VPS53: variants seen among roughly 807,000 people sequenced by gnomAD.
The protein encoded by VPS53 is VPS53 subunit of GARP complex.
In VPS53, 70 loss-of-function variants were observed where a neutral mutation model predicts 107.0. The observed-to-expected ratio is 0.65, with a 90% CI of 0.54 to 0.80. The LOEUF is 0.80. Ranked by LOEUF, VPS53 falls within the 30% of genes least tolerant of loss-of-function variation. The pLI, the probability that VPS53 is intolerant of heterozygous loss-of-function variation, is 0.00. For missense variants in VPS53, 917 were observed against 1,049.4 expected, an observed-to-expected ratio of 0.87 and a Z score of 1.74; for synonymous variants, 409 against 393.3, an observed-to-expected ratio of 1.04 and a Z score of -0.47.
chr17:622,155 T>G (rs936776682), intron 11 of VPS53, among the ~76,000 whole-genome samples: 3 of 152,032 alleles, frequency 2.0e-5, no homozygotes, highest in African/African-American at 7.2e-5. Flanking sequence ...GAGGTTGCAG[T>G]GGGCCGATAT....
intron 5 of VPS53, among the ~76,000 whole-genome samples, chr17:660,600 G>A (rs1227908676): frequency 2.6e-5 from 4 of 152,070 alleles, no homozygotes; most frequent in Non-Finnish European, 5.9e-5. Context: ...TTCACGCTTT[G>A]AGGGCCCCTG....
intron 5 of VPS53, chr17:657,024 G>T: frequency 2.3e-6 from 2 of 858,986 alleles, no homozygotes; most frequent in Non-Finnish European, 4.0e-6. Context: ...CTTCCCAGGT[G>T]AGCACCTCCA....
chr17:597,969 T>TCTCCCCACGGTCTCCCC (rs1968063277), intron 12 of VPS53, among the ~76,000 whole-genome samples: 1 of 150,856 alleles, frequency 6.6e-6, no homozygotes, highest in African/African-American at 2.4e-5. Context: ...TCCCTCTCCC[T>TCTCCCCACGGTCTCCCC]CTCCCCACGG....
At chr17:684,196 AT>A (rs1308414888) in intron 4 of VPS53, among the ~76,000 whole-genome samples, 1 of 152,240 alleles carries the variant, frequency 6.6e-6, no homozygotes, top group African/African-American at 2.4e-5. Context: ...AAAGCAAACT[AT>A]TCACTTTCAC....
chr17:556,397 T>C (rs568402485), intron 15 of VPS53, among the ~76,000 whole-genome samples: 9 of 152,362 alleles, frequency 5.9e-5, no homozygotes, highest in Admixed American at 2.6e-4. Flanking sequence ...GTTAATAATA[T>C]GGGAAACTGG....
chr17:665,937 G>A (rs1312536170), intron 4 of VPS53, among the ~76,000 whole-genome samples: 2 of 152,150 alleles, frequency 1.3e-5, no homozygotes, highest in Non-Finnish European at 2.9e-5. Flanking sequence ...CCAGGAGGCG[G>A]AGGTTGCAGT....
At chr17:675,685 A>G (rs947207711) in intron 4 of VPS53, 5 of 151,538 alleles carry the variant, frequency 3.3e-5, no homozygotes, top group Non-Finnish European at 7.4e-5. Context: ...GAGGCAGGAG[A>G]ATCACTTGAA....
At position 562,764 on chromosome 17, in the gene VPS53, A is replaced by G; in HGVS notation, c.1314-19T>C. 6.3e-7 allele frequency: 1 copy of G among 1,585,022 alleles called. No homozygotes were observed. Among genetic ancestry groups the G allele is most frequent in the Non-Finnish European group, 8.6e-7 (1 of 1,166,752 alleles). ...GAGGTTCCTAGGAGGAAAAAAAAAA[A>G]CCAAAAATGTTATTTTACTTCAAGA... On this transcript the variant is annotated intron_variant, in intron 13 of 21. Transcript: ENST00000437048.
chr17:524,081 C>A lies in VPS53; in HGVS notation c.2086-2343G>T, dbSNP rs1908946851. On this transcript the variant is annotated intron_variant, in intron 19 of 21. Coordinates refer to ENST00000437048, the MANE Select transcript of VPS53 (RefSeq NM_001128159.3). The surrounding 1 kb of genome is among the most constrained non-coding windows in gnomAD (Gnocchi z 4.5). ...TGGGAGGCCGAGGCGGGTGGATCAT[C>A]TGAGGTCAGGAGTTCGAGACCAGCC... Among the ~76,000 whole-genome samples the A allele has an allele frequency of 6.6e-6, 1 of 152,024 alleles. No homozygotes were observed. The highest frequency in any genetic ancestry group is 2.4e-5 in the African/African-American group (1 of 41,392).
intron 17 of VPS53, among the ~76,000 whole-genome samples, chr17:543,213 T>C (rs1910841603): frequency 6.6e-6 from 1 of 152,140 alleles, no homozygotes. Flanking sequence ...ACTTGAGGAT[T>C]TCTTAGCTGT....
chr17:623,727 T>G, intron 10 of VPS53, 53 bp from the exon 11 acceptor site: 1 of 1,555,610 alleles, frequency 6.4e-7, no homozygotes, highest in East Asian at 2.3e-5. Context: ...ATTCATTCAG[T>G]AGAGATAAGG....
chr17:686,190 T>C (rs1409142600), intron 4 of VPS53, among the ~76,000 whole-genome samples: 3 of 152,014 alleles, frequency 2.0e-5, no homozygotes, highest in African/African-American at 7.2e-5. Flanking sequence ...CATAGTGGTG[T>C]GCACCTGTAG....
intron 11 of VPS53, among the ~76,000 whole-genome samples, chr17:609,248 T>G (rs978304727): frequency 6.6e-5 from 10 of 152,182 alleles, no homozygotes; most frequent in South Asian, 2.1e-4. Flanking sequence ...TGGAATCATA[T>G]AATGTGTGAC....
chr17:520,676 T>A lies in VPS53; in HGVS notation c.2224-746A>T, dbSNP rs1486939000. 3.1e-4 allele frequency among the ~76,000 whole-genome samples: 47 copies of A among 151,610 alleles called. 1 individual carries two copies. Among genetic ancestry groups the A allele is most frequent in the Admixed American group, 2.8e-3 (42 of 15,218 alleles). On this transcript the variant is annotated intron_variant, in intron 20 of 21. Coordinates refer to ENST00000437048, the MANE Select transcript of VPS53 (RefSeq NM_001128159.3). This position sits in a 1 kb window ranked among gnomAD's most constrained non-coding sequence, Gnocchi z 4.4. ...TGAAGGGAAGAGTGGCGAGGAGGAG[T>A]TCACTCAGGCATCCTCTGCCGATAA...
intron 7 of VPS53, among the ~76,000 whole-genome samples, chr17:638,359 C>G (rs527955497): frequency 1.3e-5 from 2 of 152,274 alleles, no homozygotes; most frequent in South Asian, 4.1e-4. Context: ...TGGGTCTTGA[C>G]TCTTGAGCCA....
intron 15 of VPS53, among the ~76,000 whole-genome samples, chr17:556,928 G>A (rs569793104): frequency 8.0e-4 from 121 of 152,036 alleles, no homozygotes; most frequent in Middle Eastern, 3.4e-3. Flanking sequence ...GGGGTGGCCA[G>A]GAGGGGCTCT....
At chr17:630,121 C>A (rs905597471) in intron 8 of VPS53, among the ~76,000 whole-genome samples, 4 of 152,010 alleles carry the variant, frequency 2.6e-5, no homozygotes, top group Admixed American at 6.6e-5. Flanking sequence ...TGGAGAAACC[C>A]CGTCTCTACT....
chr17:712,276 G>A (rs1329760803), intron 1 of VPS53, among the ~76,000 whole-genome samples: 2 of 149,770 alleles, frequency 1.3e-5, no homozygotes, highest in Non-Finnish European at 3.0e-5. Context: ...TGCCTCCCGG[G>A]TTCAAGCAGT....
At chr17:678,704 T>A (rs1461444501) in intron 4 of VPS53, among the ~76,000 whole-genome samples, 2 of 151,826 alleles carry the variant, frequency 1.3e-5, no homozygotes, top group Non-Finnish European at 2.9e-5. Context: ...AGTGGCATGA[T>A]CTCGGCTCAC....
Sources: allele counts gnomAD v4.1 joint callset (sites outside exome capture counted in the v4.1 genomes callset), GRCh38; gene constraint gnomAD v4.1.1; non-coding constraint Gnocchi (gnomAD v3.1); transcripts MANE v1.5; gene names NCBI Gene and HGNC (gene_info 2026-07-23, HGNC 2026-07-21).